Variants in CACNA1C observed in about 807,000 individuals in gnomAD.
CACNA1C encodes voltage-dependent L-type calcium channel subunit alpha-1C.
A neutral mutation model predicts 229.0 loss-of-function variants in CACNA1C; 30 were observed. The ratio of observed to expected loss-of-function variants is 0.13; its 90% confidence interval spans 0.10 to 0.18. CACNA1C has a LOEUF of 0.18. Among genes scored for constraint, CACNA1C ranks in the 10% least tolerant of loss-of-function variants. The probability of loss-of-function intolerance (pLI) is 1.00; values close to 1 mark genes in which losing one functional copy is unlikely to be tolerated. For missense variants in CACNA1C, 1,658 were observed against 2,845.0 expected (o/e 0.58, Z 9.49); for synonymous variants, 1,114 against 1,132.5 (o/e 0.98, Z 0.33).
At chr12:2,415,886 T>A (rs1309029630) in intron 3 of CACNA1C, among the ~76,000 whole-genome samples, 1 of 152,126 alleles carries the variant, frequency 6.6e-6, no homozygotes, top group African/African-American at 2.4e-5. Context: ...AGGCACCCCT[T>A]CCCCGCATTT....
chr12:2,566,637 G>A lies in CACNA1C; in HGVS notation c.1669+55G>A, dbSNP rs748242471. On this transcript the variant is annotated intron_variant, in intron 12 of 46. Transcript: ENST00000399655. The surrounding 1 kb of genome is among the most constrained non-coding windows in gnomAD (Gnocchi z 4.0). ...TTCCTCCTGGTAACTCAGCCCCAAG[G>A]CCCAGGGGAGGGCATAACCACAGGC... The A allele has an allele frequency of 3.4e-6, 5 of 1,461,204 alleles. No homozygotes were observed. The highest frequency in any genetic ancestry group is 4.7e-6 in the Non-Finnish European group (5 of 1,074,496). The allele number at this position is 1,461,204 out of a possible 1,614,324, so 90.5% of individuals were successfully genotyped here. A position where few individuals can be genotyped will look rare whatever the true frequency, so the allele number is the denominator to read the frequency against.
At position 2,675,163 on chromosome 12, in the gene CACNA1C, G is replaced by C. The variant is rs139151935; in HGVS notation, c.4828+521G>C. Among the ~76,000 whole-genome samples, 185 of 152,190 alleles carry C rather than the reference G, an allele frequency of 1.2e-3. 1 individual carries two copies. The highest frequency in any genetic ancestry group is 6.8e-3 in the Middle Eastern group (2 of 294). ...TTTATATTGCCTTTACTATGATCCT[G>C]AATGAAAATTATAGGTAATATAACT... On this transcript the variant is annotated intron_variant, in intron 39 of 46. Transcript: ENST00000399655.
At chr12:2,060,861 C>T (rs2057222176) in intron 1 of CACNA1C, among the ~76,000 whole-genome samples, 1 of 152,246 alleles carries the variant, frequency 6.6e-6, no homozygotes, top group Non-Finnish European at 1.5e-5. Context: ...TGTTCTTCTC[C>T]ATATTGCCTG....
At chr12:2,355,106 T>C (rs933900202) in intron 3 of CACNA1C, among the ~76,000 whole-genome samples, 2 of 152,194 alleles carry the variant, frequency 1.3e-5, no homozygotes, top group African/African-American at 4.8e-5. Context: ...TTATCATGCT[T>C]ACCTTCTACC....
intron 3 of CACNA1C, among the ~76,000 whole-genome samples, chr12:2,336,917 G>A (rs898561047): frequency 7.2e-5 from 11 of 152,190 alleles, no homozygotes; most frequent in Admixed American, 2.0e-4. Context: ...GTAAGACACC[G>A]CAAGAAAAGG....
At chr12:2,541,225 G>C (rs1005828440) in intron 9 of CACNA1C, among the ~76,000 whole-genome samples, 5 of 152,152 alleles carry the variant, frequency 3.3e-5, no homozygotes, top group African/African-American at 4.8e-5. Flanking sequence ...CTGAATTTCC[G>C]AGGGGATATA....
intron 3 of CACNA1C, among the ~76,000 whole-genome samples, chr12:2,149,884 G>A (rs2095079429): frequency 6.6e-6 from 1 of 152,154 alleles, no homozygotes; most frequent in Non-Finnish European, 1.5e-5. Flanking sequence ...CCAGCAATTT[G>A]GATAGCAGGC....
chr12:2,392,606 T>G lies in CACNA1C; in HGVS notation c.478-56370T>G, dbSNP rs140629087. 3.9e-5 allele frequency among the ~76,000 whole-genome samples: 6 copies of G among 152,272 alleles called. No individual in the cohort carries two copies. The East Asian group carries it at 1.2e-3, about 29-fold the overall frequency. ...CTGAGCTATTTTCCTTATTATTCTT[T>G]AGAGGGGATTTGTCATGGGGTGATT... On this transcript the variant is annotated intron_variant, in intron 3 of 46. Transcript: ENST00000399655.
chr12:2,536,912 A>G lies in CACNA1C; in HGVS notation c.1391-13031A>G, dbSNP rs376665192. On this transcript the variant is annotated intron_variant, in intron 9 of 46. Coordinates refer to ENST00000399655, the MANE Select transcript of CACNA1C (RefSeq NM_000719.7). ...TCTGACTGTGATGATGTCATGATTAAGATCTCCATTTCACACTGGGGAAAC... is the reference window on the plus strand; with the variant it reads ...TCTGACTGTGATGATGTCATGATTAGGATCTCCATTTCACACTGGGGAAAC... 5.3e-5 allele frequency among the ~76,000 whole-genome samples: 8 copies of G among 152,326 alleles called. No homozygotes were observed. In the South Asian group the frequency reaches 6.2e-4, roughly 12 times the overall value.
At chr12:2,076,569 A>T (rs914094735) in intron 1 of CACNA1C, among the ~76,000 whole-genome samples, 6 of 151,012 alleles carry the variant, frequency 4.0e-5, no homozygotes, top group Non-Finnish European at 8.8e-5. Context: ...AAGCAAAATA[A>T]TTTTTTCATT....
At chr12:2,547,143 G>A (rs968131216) in intron 9 of CACNA1C, among the ~76,000 whole-genome samples, 9 of 152,310 alleles carry the variant, frequency 5.9e-5, no homozygotes, top group Non-Finnish European at 7.4e-5. Flanking sequence ...CTCCTTGGAA[G>A]CCTTCTCAAA....
At chr12:2,557,722 A>G (rs1482263509) in intron 11 of CACNA1C, among the ~76,000 whole-genome samples, 1 of 152,092 alleles carries the variant, frequency 6.6e-6, no homozygotes, top group Non-Finnish European at 1.5e-5. Flanking sequence ...CTCCAGGGAG[A>G]GTTACTCAGC....
chr12:2,052,597 G>T (rs1014986387), upstream of CACNA1C, among the ~76,000 whole-genome samples: 2 of 144,630 alleles, frequency 1.4e-5, no homozygotes, highest in Non-Finnish European at 3.1e-5. Context: ...CGGGGCGCGA[G>T]GGGGTGTGTC....
intron 3 of CACNA1C, among the ~76,000 whole-genome samples, chr12:2,272,066 C>T (rs1173819087): frequency 6.6e-6 from 1 of 152,152 alleles, no homozygotes; most frequent in Non-Finnish European, 1.5e-5. Context: ...ACTAGTATCC[C>T]CCAGTGTTCC....
chr12:2,268,242 A>G (rs1467653892), intron 3 of CACNA1C, among the ~76,000 whole-genome samples: 1 of 152,134 alleles, frequency 6.6e-6, no homozygotes, highest in Non-Finnish European at 1.5e-5. Context: ...TTTCAAGGGT[A>G]TGGCAGGGGT....
At chr12:2,172,241 GC>G (rs2096514686) in intron 3 of CACNA1C, among the ~76,000 whole-genome samples, 1 of 152,170 alleles carries the variant, frequency 6.6e-6, no homozygotes. Flanking sequence ...AGCAACAGGG[GC>G]CCTGGGAGAA....
intron 3 of CACNA1C, among the ~76,000 whole-genome samples, chr12:2,397,491 G>A (rs1043262451): frequency 3.3e-5 from 5 of 152,232 alleles, no homozygotes; most frequent in Non-Finnish European, 7.3e-5. Context: ...CACACGTGCC[G>A]CGGAGGCGGC....
intron 1 of CACNA1C, among the ~76,000 whole-genome samples, chr12:2,066,804 A>G (rs2059417053): frequency 6.6e-6 from 1 of 152,072 alleles, no homozygotes; most frequent in South Asian, 2.1e-4. Flanking sequence ...CTTCAGAGGC[A>G]GACATGCAGT....
chr12:2,570,554 A>G (rs1435416551), intron 13 of CACNA1C, among the ~76,000 whole-genome samples: 1 of 152,254 alleles, frequency 6.6e-6, no homozygotes, highest in Non-Finnish European at 1.5e-5. Flanking sequence ...ACATATTCAC[A>G]TACTCTTGTT....
Sources: allele counts gnomAD v4.1 joint callset (sites outside exome capture counted in the v4.1 genomes callset), GRCh38; gene constraint gnomAD v4.1.1; non-coding constraint Gnocchi (gnomAD v3.1); transcripts MANE v1.5; gene names NCBI Gene and HGNC (gene_info 2026-07-23, HGNC 2026-07-21).